The following ZBTB8OS variants were observed in gnomAD, a reference collection of about 807,000 sequenced individuals.
ZBTB8OS encodes tRNA-splicing ligase-activating factor archease.
A neutral mutation model predicts 29.3 loss-of-function variants in ZBTB8OS; 16 were observed. The observed-to-expected ratio is 0.55, with a 90% confidence interval of 0.37 to 0.83. The LOEUF (loss-of-function observed/expected upper bound fraction) is 0.83. ZBTB8OS is among the 40% of genes least tolerant of loss of function. The pLI, the probability that ZBTB8OS is intolerant of heterozygous loss-of-function variation, is 0.00. For missense variants in ZBTB8OS, 160 were observed against 196.9 expected, an observed-to-expected ratio of 0.81 and a Z score of 1.12; for synonymous variants, 70 against 64.6, an observed-to-expected ratio of 1.08 and a Z score of -0.40.
At chr1:32,629,769 T>G (rs1645403406) in intron 5 of ZBTB8OS, among the ~76,000 whole-genome samples, 2 of 139,200 alleles carry the variant, frequency 1.4e-5, no homozygotes, top group South Asian at 4.4e-4. Context: ...TTTTTTTTTT[T>G]TTGAGCCAGA....
intron 1 of ZBTB8OS, among the ~76,000 whole-genome samples, chr1:32,649,647 C>T (rs1647146360): frequency 7.2e-6 from 1 of 137,974 alleles, no homozygotes; most frequent in African/African-American, 3.2e-5. Context: ...CACACACACA[C>T]ACACACACAC....
At chr1:32,634,295 C>T (rs527886795) in intron 2 of ZBTB8OS, 66 of 341,796 alleles carry the variant, frequency 1.9e-4, no homozygotes, top group African/African-American at 1.2e-3. Flanking sequence ...AGTGCGATCT[C>T]GGGTCACTGC....
In ZBTB8OS at chr1:32,627,715, G is replaced by A; in HGVS notation, c.381-171C>T. On this transcript the variant is annotated intron_variant, in intron 5 of 6. Transcript: ENST00000468695. The stretch of plus-strand genomic sequence containing the variant: ...AGAAGATACAGCTGTTGAGGGACGT[G>A]TGTGCAGTGTCATCATTTGCTCTCA... The A allele has an allele frequency of 1.9e-5, 12 of 616,872 alleles. 1 individual carries two copies. The South Asian group carries it at 2.4e-4, about 12-fold the overall frequency. The allele number at this position is 616,872 out of a possible 1,614,324, so 38.2% of individuals were successfully genotyped here.
chr1:32,624,332 T>A (rs1644954010), intron 6 of ZBTB8OS, among the ~76,000 whole-genome samples: 1 of 152,184 alleles, frequency 6.6e-6, no homozygotes, highest in Non-Finnish European at 1.5e-5. Context: ...GGCTCACTTC[T>A]CCCACTACAT....
chr1:32,647,041 CAAAAAAA>C (rs71006347), intron 1 of ZBTB8OS, among the ~76,000 whole-genome samples: 1,250 of 39,056 alleles, frequency 0.032, 12 homozygotes, highest in East Asian at 0.094. Context: ...GATACTGTCT[CAAAAAAA>C]AAAAAAAAAA....
intron 6 of ZBTB8OS, among the ~76,000 whole-genome samples, chr1:32,624,263 C>T (rs529779429): frequency 6.6e-6 from 1 of 152,244 alleles, no homozygotes; most frequent in East Asian, 1.9e-4. Flanking sequence ...CCACTCTTAC[C>T]TTATCCTGAT....
At position 32,621,699 on chromosome 1, in the gene ZBTB8OS, C is replaced by G; in HGVS notation, c.*163G>C. The G allele has an allele frequency of 3.3e-6, 2 of 609,954 alleles. No homozygotes were observed. The allele number at this position is 609,954 out of a possible 1,614,324, so 37.8% of individuals were successfully genotyped here. A position where few individuals can be genotyped will look rare whatever the true frequency, so the allele number is the denominator to read the frequency against. On this transcript the variant is annotated 3_prime_UTR_variant, in exon 7 of 7. Coordinates refer to ENST00000468695, the MANE Select transcript of ZBTB8OS (RefSeq NM_178547.5). ...TGGGGAACACAGACCAAGGCTGTGC[C>G]CTGATTTTCCCTTTCTGAAAGTCAC...
chr1:32,629,539 G>A (rs577240445), intron 5 of ZBTB8OS, among the ~76,000 whole-genome samples: 5 of 152,186 alleles, frequency 3.3e-5, no homozygotes, highest in South Asian at 4.1e-4. Context: ...AATACAGTCC[G>A]AACTTGGTTT....
chr1:32,637,837 A>G (rs891743281), intron 1 of ZBTB8OS, among the ~76,000 whole-genome samples: 4 of 152,050 alleles, frequency 2.6e-5, no homozygotes, highest in East Asian at 1.9e-4. Context: ...GGTAAAATAT[A>G]TAATTTTTTT....
At position 32,636,761 on chromosome 1, in the gene ZBTB8OS, G is replaced by A. The variant is rs550476925; in HGVS notation, c.98-1969C>T. ...CTAGGATGACCCTAACCCTCTGTCC[G>A]TCGTAGAAATGCCTGCCTGAGAAAG... is the stretch of plus-strand genomic sequence containing the variant. On this transcript the variant is annotated intron_variant, in intron 1 of 6. Transcript: ENST00000468695. 2.1e-3 allele frequency among the ~76,000 whole-genome samples: 316 copies of A among 151,568 alleles called. 1 individual carries two copies. The highest frequency in any genetic ancestry group is 3.8e-3 in the Admixed American group (58 of 15,226).
At chr1:32,645,891 G>A (rs1646790047) in intron 1 of ZBTB8OS, among the ~76,000 whole-genome samples, 1 of 152,154 alleles carries the variant, frequency 6.6e-6, no homozygotes. Context: ...AGACCCTCTG[G>A]AAGGATATAG....
chr1:32,637,053 T>C (rs1352138340), intron 1 of ZBTB8OS, among the ~76,000 whole-genome samples: 1 of 152,032 alleles, frequency 6.6e-6, no homozygotes. Flanking sequence ...GCTAGACTAA[T>C]CACATTTACA....
Position 32,621,873 on chromosome 1 carries a change from T to C in ZBTB8OS, c.493A>G (p.Ile165Val). 6.3e-7 allele frequency: 1 copy of C among 1,590,980 alleles called. No homozygotes were observed. The highest frequency in any genetic ancestry group is 8.5e-7 in the Non-Finnish European group (1 of 1,175,268). Reference protein sequence around the residue: ...NEENPEVFVIIDI With the variant: ...NEENPEVFVIVDI The stretch of plus-strand genomic sequence containing the variant: ...TATTTTTTGGTGTCTTAAATGTCAA[T>C]GATCACAAAAACTTCCGGGTTCTCT... The change falls in exon 7 of 7, where the codon ATT (isoleucine) becomes GTT (valine). Residue 165 changes from isoleucine (I) to valine (V), a missense_variant. Coordinates refer to ENST00000468695, the MANE Select transcript of ZBTB8OS (RefSeq NM_178547.5).
At chr1:32,622,887 T>C (rs1247651300) in intron 6 of ZBTB8OS, among the ~76,000 whole-genome samples, 2 of 152,122 alleles carry the variant, frequency 1.3e-5, no homozygotes, top group African/African-American at 2.4e-5. Flanking sequence ...ATTCAACTTA[T>C]TCTCTTTTCC....
intron 1 of ZBTB8OS, among the ~76,000 whole-genome samples, chr1:32,650,077 C>G (rs1048335917): frequency 6.6e-6 from 1 of 152,180 alleles, no homozygotes; most frequent in African/African-American, 2.4e-5. Flanking sequence ...TCCGAGTCCT[C>G]TAACCTCGCA....
At chr1:32,636,363 G>A in intron 1 of ZBTB8OS, among the ~76,000 whole-genome samples, 1 of 152,154 alleles carries the variant, frequency 6.6e-6, no homozygotes, top group East Asian at 1.9e-4. Context: ...CTGGGCAGCA[G>A]GCAAAGTTAA....
chr1:32,647,841 T>C (rs907482032), intron 1 of ZBTB8OS, among the ~76,000 whole-genome samples: 9 of 152,156 alleles, frequency 5.9e-5, no homozygotes, highest in Non-Finnish European at 1.2e-4. Context: ...AACGTAATAA[T>C]AATAGAAATA....
intron 5 of ZBTB8OS, among the ~76,000 whole-genome samples, chr1:32,631,477 A>G (rs1645554643): frequency 6.6e-6 from 1 of 152,222 alleles, no homozygotes; most frequent in Non-Finnish European, 1.5e-5. Flanking sequence ...TGGAAGGAAA[A>G]TAAAAGTACG....
chr1:32,625,719 C>T (rs1240802373), intron 6 of ZBTB8OS, among the ~76,000 whole-genome samples: 2 of 152,116 alleles, frequency 1.3e-5, no homozygotes, highest in East Asian at 3.8e-4. Context: ...TAAACAAAAA[C>T]TCTTAGGAAT....
Sources: gnomAD v4.1 joint callset for allele counts (sites outside exome capture counted in the v4.1 genomes callset) on GRCh38, gnomAD v4.1.1 for gene constraint, MANE v1.5 for transcripts, NCBI Gene and HGNC (gene_info 2026-07-23, HGNC 2026-07-21) for gene names.